Variants in SULT1C2 observed in about 807,000 individuals in gnomAD.
SULT1C2 encodes the protein sulfotransferase family 1C member 2.
A neutral mutation model predicts 36.0 loss-of-function variants in SULT1C2; 27 were observed. The ratio of observed to expected loss-of-function variants is 0.75; its 90% CI spans 0.55 to 1.03. The LOEUF (loss-of-function observed/expected upper bound fraction) is 1.03, where lower values mean the gene tolerates loss of function less well. Among genes scored for constraint, SULT1C2 ranks in the 50% least tolerant of loss-of-function variants. SULT1C2 has a pLI of 0.00. For missense variants in SULT1C2, 395 were observed against 359.2 expected, an observed-to-expected ratio of 1.10 and a Z score of -0.80; for synonymous variants, 121 against 116.0, an observed-to-expected ratio of 1.04 and a Z score of -0.27.
intron 7 of SULT1C2, 147 bp downstream of exon 7, chr2:108,305,742 C>A: frequency 2.8e-6 from 3 of 1,070,210 alleles, no homozygotes; most frequent in Non-Finnish European, 4.1e-6. Flanking sequence ...GGGATTTGAT[C>A]CTGTTGTAGA....
chr2:108,290,244 G>A (rs1011335601), intron 1 of SULT1C2, among the ~76,000 whole-genome samples: 1 of 152,142 alleles, frequency 6.6e-6, no homozygotes, highest in Non-Finnish European at 1.5e-5. Flanking sequence ...TCCTTACATG[G>A]TCTTTCCTCC....
At position 108,293,179 on chromosome 2, in the gene SULT1C2, CAAAAAAAAAAAA is replaced by C. The variant is rs397869118; in HGVS notation, c.-21-455_-21-444del. ...GGATAAACAGAGTGAGACTCTGTCTCAAAAAAAAAAAAAAAAAAAAAAAAGGAAAGGTGTATA... is the reference window on the plus strand; with the variant it reads ...GGATAAACAGAGTGAGACTCTGTCTCAAAAAAAAAAAAGGAAAGGTGTATA... On this transcript the variant is annotated intron_variant, in intron 1 of 7. Coordinates refer to ENST00000251481, the MANE Select transcript of SULT1C2 (RefSeq NM_001056.4). 7.4e-5 allele frequency among the ~76,000 whole-genome samples: 4 copies of C among 54,080 alleles called. 1 individual carries two copies. The highest frequency in any genetic ancestry group is 1.2e-3 in the East Asian group (2 of 1,678). 35.5% of individuals were successfully genotyped at this position (54,080 alleles called of 152,430 possible).
Position 108,293,745 on chromosome 2 carries a change from G to A in SULT1C2, c.78G>A (p.Val26=), listed in dbSNP as rs1398205525. 6.2e-7 allele frequency: 1 copy of A among 1,614,060 alleles called. No individual in the cohort carries two copies. Among genetic ancestry groups the A allele is most frequent in the Non-Finnish European group, 8.5e-7 (1 of 1,179,994 alleles). Residue 26 remains valine, a synonymous_variant, in exon 2 of 8, where the codon GTG becomes GTA. Transcript: ENST00000251481. ...GGACCCTCCTGCAGCCTGCAACTGT[G>A]GACAACTGGAGCCAGATCCAGAGCT... ...VEGTLLQPAT[V]DNWSQIQSFE...
intron 1 of SULT1C2, among the ~76,000 whole-genome samples, chr2:108,290,881 T>C (rs2104410020): frequency 6.6e-6 from 1 of 152,356 alleles, no homozygotes; most frequent in East Asian, 1.9e-4. Context: ...ATATGTATAC[T>C]TTTTGTTCAT....
intron 4 of SULT1C2, chr2:108,304,366 T>C: frequency 2.2e-6 from 1 of 461,290 alleles, no homozygotes. Flanking sequence ...ATTAGCTAAT[T>C]AAAAGGACTG....
At chr2:108,301,085 T>C in intron 4 of SULT1C2, 150 bp downstream of exon 4, 1 of 975,852 alleles carries the variant, frequency 1.0e-6, no homozygotes, top group Non-Finnish European at 1.5e-6. Flanking sequence ...AGTTCTACAT[T>C]CAGCAGGACA....
intron 1 of SULT1C2, among the ~76,000 whole-genome samples, chr2:108,290,210 C>T (rs558251306): frequency 6.6e-6 from 1 of 152,282 alleles, no homozygotes; most frequent in Admixed American, 6.5e-5. Flanking sequence ...TCACCCCCAC[C>T]CTATGGAGGA....
In SULT1C2 at chr2:108,301,088, G is replaced by T. The variant is rs1052663236; in HGVS notation, c.375+153G>T. Reference sequence around the variant, plus strand: ...GAGAAAACATAAAGTTCTACATTCAGCAGGACATTCACCTGAACAGTTTCA... The same window carrying T: ...GAGAAAACATAAAGTTCTACATTCATCAGGACATTCACCTGAACAGTTTCA... On this transcript the variant is annotated intron_variant, in intron 4 of 7. Coordinates refer to ENST00000251481, the MANE Select transcript of SULT1C2 (RefSeq NM_001056.4). The T allele has an allele frequency of 1.1e-5, 11 of 960,412 alleles. No individual in the cohort carries two copies. In the African/African-American group the frequency reaches 1.5e-4, roughly 13 times the overall value. The allele number at this position is 960,412 out of a possible 1,614,324, so 59.5% of individuals were successfully genotyped here. A position where few individuals can be genotyped will look rare whatever the true frequency, so the allele number is the denominator to read the frequency against.
chr2:108,293,179 C>CAAAA (rs397869118), intron 1 of SULT1C2, among the ~76,000 whole-genome samples: 561 of 54,072 alleles, frequency 0.01, 30 homozygotes, highest in African/African-American at 0.038. Flanking sequence ...GACTCTGTCT[C>CAAAA]AAAAAAAAAA....
In SULT1C2 at chr2:108,304,621, C is replaced by A. The variant is rs755487505; in HGVS notation, c.423C>A (p.Tyr141Ter). 8 of 1,613,660 alleles carry A rather than the reference C, an allele frequency of 5.0e-6. No homozygotes were observed. The highest frequency in any genetic ancestry group is 1.3e-5 in the African/African-American group (1 of 74,912). The part of the protein sequence containing the change: ...RNAKDCMVSY[Y>*]HFQRMNHMLP... ...CCAAAGACTGTATGGTTTCCTACTA[C>A]CATTTCCAAAGGATGAACCACATGC... Residue 141 changes from tyrosine (Y) to a stop codon, truncating the protein, a stop_gained, in exon 5 of 8, where the codon TAC (tyrosine) becomes TAA (stop). Transcript: ENST00000251481. LOFTEE classifies it high-confidence loss of function.
At position 108,289,090 on chromosome 2, in the gene SULT1C2, G is replaced by T. The variant is rs1000299760; in HGVS notation, c.-22+20G>T. 1 of 152,616 alleles carries T rather than the reference G, an allele frequency of 6.6e-6. No individual in the cohort carries two copies. Among genetic ancestry groups the T allele is most frequent in the African/African-American group, 2.4e-5 (1 of 41,446 alleles). 9.5% of individuals were successfully genotyped at this position (152,616 alleles called of 1,614,324 possible). On this transcript the variant is annotated intron_variant, in intron 1 of 7. Transcript: ENST00000251481. ...TTGAAGGTAAGAATATGGCTTAAAA[G>T]AAATTCTGTACCTAACTCGTTAATT...
At chr2:108,300,697 C>A in intron 3 of SULT1C2, 141 bp from the exon 4 acceptor site, 1 of 1,337,222 alleles carries the variant, frequency 7.5e-7, no homozygotes, top group Non-Finnish European at 9.9e-7. Flanking sequence ...ATTAATAATC[C>A]CATTGTAAAA....
intron 1 of SULT1C2, among the ~76,000 whole-genome samples, chr2:108,290,605 G>A (rs182006515): frequency 6.2e-4 from 95 of 152,292 alleles, no homozygotes; most frequent in Non-Finnish European, 1.0e-3. Flanking sequence ...TCAGCTTCTC[G>A]TGAGGGCCAT....
chr2:108,296,946 C>G lies in SULT1C2; in HGVS notation c.277+2592C>G, dbSNP rs547962708. On this transcript the variant is annotated intron_variant, in intron 3 of 7. Transcript: ENST00000251481. ...CATGGTCAGTCTCCCTTCCAGGCCC[C>G]CTTCTGCTCTCCCATCAACTCCCAG... 2.0e-5 allele frequency among the ~76,000 whole-genome samples: 3 copies of G among 152,302 alleles called. No individual in the cohort carries two copies. In the East Asian group the frequency reaches 5.8e-4, roughly 29 times the overall value.
At chr2:108,301,208 G>A in intron 4 of SULT1C2, 1 of 387,920 alleles carries the variant, frequency 2.6e-6, no homozygotes, top group African/African-American at 2.0e-5. Flanking sequence ...GTGAAATGAA[G>A]GGGAGAAGAT....
Position 108,294,329 on chromosome 2 carries a change from G to C in SULT1C2, c.252G>C (p.Glu84Asp). The C allele has an allele frequency of 6.2e-7, 1 of 1,613,792 alleles. No individual in the cohort carries two copies. Among genetic ancestry groups the C allele is most frequent in the Non-Finnish European group, 8.5e-7 (1 of 1,179,838 alleles). The part of the protein sequence containing the change: ...AIIQHRHPFI[E>D]WARPPQPSGV... ...TCCAACACCGCCATCCTTTCATTGA[G>C]TGGGCTCGGCCACCCCAACCTTCTG... Residue 84 changes from glutamate to aspartate, a missense_variant, in exon 3 of 8, where the codon GAG (glutamate) becomes GAC (aspartate). Glu to Asp is a conservative substitution (Grantham distance 45, BLOSUM62 2). Coordinates refer to ENST00000251481, the MANE Select transcript of SULT1C2 (RefSeq NM_001056.4).
Position 108,305,650 on chromosome 2 carries a change from C to A in SULT1C2, c.778+55C>A, listed in dbSNP as rs778549714. 16 of 1,578,276 alleles carry A rather than the reference C, an allele frequency of 1.0e-5. No homozygotes were observed. In the South Asian group the frequency reaches 1.8e-4, roughly 18 times the overall value. On this transcript the variant is annotated intron_variant, in intron 7 of 7. Coordinates refer to ENST00000251481, the MANE Select transcript of SULT1C2 (RefSeq NM_001056.4). Reference sequence around the variant, plus strand: ...GATTGTCTCGTAACATCCTGTCTGCCTCTTAGCAGACAATATTGAGTTTTA... The same window carrying A: ...GATTGTCTCGTAACATCCTGTCTGCATCTTAGCAGACAATATTGAGTTTTA...
Position 108,293,797 on chromosome 2 carries a change from A to G in SULT1C2, c.130A>G (p.Ile44Val), listed in dbSNP as rs1293414895. The G allele has an allele frequency of 6.2e-7, 1 of 1,614,066 alleles. No homozygotes were observed. The highest frequency in any genetic ancestry group is 8.5e-7 in the Non-Finnish European group (1 of 1,179,994). ...CGAGGCCAAACCAGATGATCTCCTC[A>G]TCTGCACCTACCCTAAAGCAGGTGA... ...SFEAKPDDLL[I>V]CTYPKAGTTW... is the part of the protein sequence containing the mutation. The change falls in exon 2 of 8, where the codon ATC becomes GTC. Residue 44 changes from isoleucine (I) to valine (V), a missense_variant. By Grantham distance (29) the Ile-to-Val change is conservative. Transcript: ENST00000251481.
intron 3 of SULT1C2, among the ~76,000 whole-genome samples, chr2:108,297,296 G>A (rs1347647497): frequency 1.3e-5 from 2 of 152,154 alleles, no homozygotes; most frequent in Non-Finnish European, 2.9e-5. Flanking sequence ...TCCTGGAGGT[G>A]ACACCTGAAA....
Sources: gnomAD v4.1 joint callset for allele counts (sites outside exome capture counted in the v4.1 genomes callset) on GRCh38, gnomAD v4.1.1 for gene constraint, MANE v1.5 for transcripts, NCBI Gene and HGNC (gene_info 2026-07-23, HGNC 2026-07-21) for gene names.